Variants in CACNA2D3 observed in about 807,000 individuals in gnomAD.
CACNA2D3 encodes the protein voltage-dependent calcium channel subunit alpha-2/delta-3.
CACNA2D3 carries 60 observed loss-of-function variants against 160.6 expected under a neutral mutation model. That is an observed-to-expected ratio of 0.37 (90% CI 0.30 to 0.46). The LOEUF (loss-of-function observed/expected upper bound fraction) is 0.46. CACNA2D3 is among the 20% of genes least tolerant of loss of function. CACNA2D3 has a pLI of 1.00. For missense variants in CACNA2D3, 1,205 were observed against 1,365.0 expected, an observed-to-expected ratio of 0.88 and a Z score of 1.85; for synonymous variants, 558 against 492.9, an observed-to-expected ratio of 1.13 and a Z score of -1.75.
chr3:54,459,740 G>A (rs1431687772), intron 4 of CACNA2D3, among the ~76,000 whole-genome samples: 1 of 152,096 alleles, frequency 6.6e-6, no homozygotes, highest in Non-Finnish European at 1.5e-5. Context: ...CACTCTGATG[G>A]TAGTTTCTTT....
rs1322519232 is a variant in CACNA2D3 at position 54,760,105 on chromosome 3, G to A, written c.1247-4113G>A. ...AAGGTGGGGATTTTTGAATCATTTC[G>A]TGGAGCTAATATTCCAGTTAGAGAG... On this transcript the variant is annotated intron_variant, in intron 12 of 37. Coordinates refer to ENST00000474759, the MANE Select transcript of CACNA2D3 (RefSeq NM_018398.3). Among the ~76,000 whole-genome samples the A allele has an allele frequency of 4.6e-5, 7 of 152,134 alleles. No individual in the cohort carries two copies. In the East Asian group the frequency reaches 1.2e-3, roughly 25 times the overall value.
chr3:54,764,801 T>G (rs1272422951), intron 13 of CACNA2D3, among the ~76,000 whole-genome samples: 1 of 152,188 alleles, frequency 6.6e-6, no homozygotes, highest in Non-Finnish European at 1.5e-5. Flanking sequence ...TTGCATTTTC[T>G]TCCCATGCAT....
At chr3:54,291,148 ACTAGC>A (rs756453769) in intron 2 of CACNA2D3, among the ~76,000 whole-genome samples, 12 of 152,238 alleles carry the variant, frequency 7.9e-5, no homozygotes, top group Non-Finnish European at 1.3e-4. Flanking sequence ...GTTGCTTTTA[ACTAGC>A]CTGTGGGTTA....
intron 27 of CACNA2D3, among the ~76,000 whole-genome samples, chr3:54,933,864 G>C (rs141864067): frequency 0.02 from 2,971 of 151,556 alleles, 42 homozygotes; most frequent in Middle Eastern, 0.056. Context: ...CACCTCCCAG[G>C]TTCAAGCAAT....
intron 9 of CACNA2D3, among the ~76,000 whole-genome samples, chr3:54,618,374 T>TATATATATATATATATATATATACACAC: frequency 1.8e-5 from 1 of 54,586 alleles, no homozygotes; most frequent in African/African-American, 1.1e-4. Flanking sequence ...TATATATATA[T>TATATATATATATATATATATATACACAC]GCACACACAC....
chr3:54,602,977 C>T (rs1223163277), intron 9 of CACNA2D3, among the ~76,000 whole-genome samples: 1 of 152,170 alleles, frequency 6.6e-6, no homozygotes, highest in Non-Finnish European at 1.5e-5. Context: ...TGAAGCAGTG[C>T]AGTGTCTGCT....
At chr3:54,146,594 A>AT (rs1559861980) in intron 2 of CACNA2D3, among the ~76,000 whole-genome samples, 3 of 151,986 alleles carry the variant, frequency 2.0e-5, no homozygotes, top group Admixed American at 2.0e-4. Context: ...AATGTGGGGA[A>AT]GGGGGGCGTG....
intron 2 of CACNA2D3, among the ~76,000 whole-genome samples, chr3:54,202,632 G>A (rs1207106521): frequency 6.6e-6 from 1 of 152,178 alleles, no homozygotes; most frequent in East Asian, 1.9e-4. Context: ...TCCAGTTAAT[G>A]CATGGATTCA....
chr3:54,960,607 A>G (rs988333485), intron 27 of CACNA2D3, among the ~76,000 whole-genome samples: 2 of 152,192 alleles, frequency 1.3e-5, no homozygotes, highest in Non-Finnish European at 2.9e-5. Flanking sequence ...GTTGCTGATC[A>G]TTCTCCCTTG....
chr3:54,394,329 T>TTTTTA (rs995674019), intron 4 of CACNA2D3, among the ~76,000 whole-genome samples: 3 of 151,210 alleles, frequency 2.0e-5, no homozygotes, highest in African/African-American at 7.3e-5. Context: ...TTTTTTTTTT[T>TTTTTA]TTTATTATTA....
chr3:54,814,405 C>T (rs1182788227), intron 13 of CACNA2D3, among the ~76,000 whole-genome samples: 1 of 152,190 alleles, frequency 6.6e-6, no homozygotes, highest in Non-Finnish European at 1.5e-5. Context: ...CAAAGCAGAG[C>T]AGGTATCTGG....
chr3:54,902,286 G>T (rs892981084), intron 27 of CACNA2D3, among the ~76,000 whole-genome samples: 2 of 152,084 alleles, frequency 1.3e-5, no homozygotes, highest in African/African-American at 4.8e-5. Context: ...GTAGAAAGAG[G>T]TTTTTTTGTT....
intron 4 of CACNA2D3, among the ~76,000 whole-genome samples, chr3:54,499,288 T>C (rs1701250607): frequency 1.3e-5 from 2 of 152,174 alleles, no homozygotes; most frequent in Non-Finnish European, 2.9e-5. Flanking sequence ...CTTGGGACTT[T>C]GCCTCATGTA....
rs562691858 is a variant in CACNA2D3 at position 54,915,458 on chromosome 3, C to T, written c.2449+15590C>T. Among the ~76,000 whole-genome samples, 102 of 152,310 alleles carry T rather than the reference C, an allele frequency of 6.7e-4. 2 individuals are homozygous for T. In the South Asian group the frequency reaches 0.021, roughly 31 times the overall value. On this transcript the variant is annotated intron_variant, in intron 27 of 37. Coordinates refer to ENST00000474759, the MANE Select transcript of CACNA2D3 (RefSeq NM_018398.3). ...ACGTGATTTTTGTCCACAGTGTACCCTCAGCAAGGCTTCTATGACAGAAGG... is the reference window on the plus strand; with the variant it reads ...ACGTGATTTTTGTCCACAGTGTACCTTCAGCAAGGCTTCTATGACAGAAGG...
At chr3:55,013,921 AT>A (rs1703267202) in intron 34 of CACNA2D3, among the ~76,000 whole-genome samples, 1 of 152,160 alleles carries the variant, frequency 6.6e-6, no homozygotes, top group South Asian at 2.1e-4. Context: ...AATTAAAGAA[AT>A]TCAGTTGTGC....
intron 4 of CACNA2D3, among the ~76,000 whole-genome samples, chr3:54,407,969 G>A (rs1294449419): frequency 6.6e-6 from 1 of 152,110 alleles, no homozygotes; most frequent in Non-Finnish European, 1.5e-5. Flanking sequence ...GATTCATTCA[G>A]CCAATAGTTG....
chr3:54,320,422 G>T lies in CACNA2D3; in HGVS notation c.205-20G>T. On this transcript the variant is annotated intron_variant, in intron 2 of 37. Coordinates refer to ENST00000474759, the MANE Select transcript of CACNA2D3 (RefSeq NM_018398.3). ...TTTTACGGTGTCATGTGTCTTGAAT[G>T]TTGCCCTCTCTTCTTACAGAAATAC... 7.8e-7 allele frequency: 1 copy of T among 1,290,246 alleles called. No individual in the cohort carries two copies. The highest frequency in any genetic ancestry group is 1.1e-6 in the Non-Finnish European group (1 of 915,344). The allele number at this position is 1,290,246 out of a possible 1,614,324, so 79.9% of individuals were successfully genotyped here.
intron 2 of CACNA2D3, among the ~76,000 whole-genome samples, chr3:54,241,987 A>G (rs1046926747): frequency 1.3e-5 from 2 of 152,220 alleles, no homozygotes; most frequent in African/African-American, 4.8e-5. Context: ...AATACATTCC[A>G]GGGCCCCCAG....
chr3:54,693,820 G>T (rs1700609272), intron 11 of CACNA2D3, among the ~76,000 whole-genome samples: 1 of 151,976 alleles, frequency 6.6e-6, no homozygotes, highest in Admixed American at 6.6e-5. Context: ...AATTTTAAAA[G>T]TAGAAAAAAG....
Sources: gnomAD v4.1 joint callset for allele counts (sites outside exome capture counted in the v4.1 genomes callset) on GRCh38, gnomAD v4.1.1 for gene constraint, MANE v1.5 for transcripts, NCBI Gene and HGNC (gene_info 2026-07-23, HGNC 2026-07-21) for gene names.